Variants in MCU observed in about 807,000 individuals in gnomAD.
The protein encoded by MCU is mitochondrial calcium uniporter, also known as calcium uniporter protein, mitochondrial.
A neutral mutation model predicts 45.2 loss-of-function variants in MCU; 12 were observed. The ratio of observed to expected loss-of-function variants is 0.27; its 90% CI spans 0.17 to 0.43. The LOEUF (loss-of-function observed/expected upper bound fraction) is 0.43, where lower values mean the gene tolerates loss of function less well. MCU is among the 20% of genes least tolerant of loss of function. The pLI is 1.00. For missense variants in MCU, 324 were observed against 436.7 expected (o/e 0.74, Z 2.30); for synonymous variants, 160 against 165.1 (o/e 0.97, Z 0.24).
intron 1 of MCU, among the ~76,000 whole-genome samples, chr10:72,709,160 C>T (rs1048499150): frequency 6.6e-6 from 1 of 152,102 alleles, no homozygotes; most frequent in African/African-American, 2.4e-5. Context: ...ATATATATTT[C>T]CAAAGAAGGC....
chr10:72,881,492 C>T (rs916357688), intron 6 of MCU, among the ~76,000 whole-genome samples: 2 of 152,014 alleles, frequency 1.3e-5, no homozygotes, highest in African/African-American at 4.8e-5. Context: ...AGTTTGAGGC[C>T]AGCCAACATA....
At chr10:72,780,258 G>C (rs1380496379) in intron 1 of MCU, among the ~76,000 whole-genome samples, 1 of 152,102 alleles carries the variant, frequency 6.6e-6, no homozygotes, top group Non-Finnish European at 1.5e-5. Flanking sequence ...CCAGGGCCTG[G>C]GTAGAGGATA....
chr10:72,717,712 T>G (rs1456377447), intron 1 of MCU, among the ~76,000 whole-genome samples: 1 of 152,182 alleles, frequency 6.6e-6, no homozygotes, highest in Non-Finnish European at 1.5e-5. Flanking sequence ...TCCTCATATA[T>G]CTATGTATCT....
chr10:72,733,587 G>T (rs995025993), intron 1 of MCU, among the ~76,000 whole-genome samples: 1 of 151,944 alleles, frequency 6.6e-6, no homozygotes, highest in Non-Finnish European at 1.5e-5. Context: ...TAAGGTTGTT[G>T]TGAATATAAA....
intron 1 of MCU, among the ~76,000 whole-genome samples, chr10:72,751,010 A>T (rs1406935517): frequency 6.6e-6 from 1 of 151,632 alleles, no homozygotes; most frequent in Non-Finnish European, 1.5e-5. Context: ...TTTTTATTTT[A>T]TTTTTTTGGA....
At chr10:72,805,107 CTTTCTT>C (rs1564562258) in intron 1 of MCU, among the ~76,000 whole-genome samples, 35 of 109,838 alleles carry the variant, frequency 3.2e-4, no homozygotes, top group African/African-American at 1.4e-3. Flanking sequence ...CTTTCTCTTT[CTTTCTT>C]TCTTTCTTTC....
At chr10:72,707,728 C>T (rs1014728277) in intron 1 of MCU, among the ~76,000 whole-genome samples, 2 of 151,078 alleles carry the variant, frequency 1.3e-5, no homozygotes, top group Admixed American at 1.3e-4. Flanking sequence ...CTCTTTGTTC[C>T]GTTAACTTGC....
rs1844473935 is a variant in MCU, at chr10:72,807,723, C to T, written c.151-26636C>T. 2.6e-5 allele frequency among the ~76,000 whole-genome samples: 4 copies of T among 152,322 alleles called. No individual in the cohort carries two copies. In the South Asian group the frequency reaches 8.3e-4, roughly 32 times the overall value. ...GCTGGATTTTTTACTTCAGTGTTGACTGGCTGTTCTAAGGGATGGCCAACA... is the reference window on the plus strand; with the variant it reads ...GCTGGATTTTTTACTTCAGTGTTGATTGGCTGTTCTAAGGGATGGCCAACA... On this transcript the variant is annotated intron_variant, in intron 1 of 7. Coordinates refer to ENST00000373053, the MANE Select transcript of MCU (RefSeq NM_138357.3).
Position 72,830,310 on chromosome 10 carries a change from G to C in MCU, c.151-4049G>C, listed in dbSNP as rs1564568985. On this transcript the variant is annotated intron_variant, in intron 1 of 7. Coordinates refer to ENST00000373053, the MANE Select transcript of MCU (RefSeq NM_138357.3). ...ACAAATATTACTCATAACCAGCCAT[G>C]TATTAATGTGGTTCACTGCCCCACA... is the stretch of plus-strand genomic sequence containing the variant. Among the ~76,000 whole-genome samples the C allele has an allele frequency of 2.6e-5, 4 of 152,196 alleles. No individual in the cohort carries two copies. The South Asian group carries it at 8.3e-4, about 32-fold the overall frequency.
intron 7 of MCU, 55 bp from the exon 8 acceptor site, chr10:72,885,690 T>C: frequency 9.2e-7 from 1 of 1,089,546 alleles, no homozygotes; most frequent in Non-Finnish European, 1.4e-6. Context: ...TGGTAGACAG[T>C]AATATCATTG....
intron 1 of MCU, among the ~76,000 whole-genome samples, chr10:72,765,786 CAAAAAA>C (rs36071651): frequency 1.6e-5 from 1 of 63,222 alleles, no homozygotes; most frequent in African/African-American, 4.8e-5. Flanking sequence ...GACGCTGTCT[CAAAAAA>C]AAAAAAAAAA....
At chr10:72,875,424 G>A (rs1468737986) in intron 6 of MCU, among the ~76,000 whole-genome samples, 1 of 152,152 alleles carries the variant, frequency 6.6e-6, no homozygotes, top group East Asian at 1.9e-4. Context: ...GCTCCATTCT[G>A]TGATTACCAA....
intron 1 of MCU, among the ~76,000 whole-genome samples, chr10:72,720,651 C>T (rs1564537976): frequency 6.6e-6 from 1 of 152,142 alleles, no homozygotes; most frequent in Non-Finnish European, 1.5e-5. Context: ...TTTTATACTT[C>T]CATTGTGTTG....
intron 2 of MCU, among the ~76,000 whole-genome samples, chr10:72,838,960 C>G (rs1355179163): frequency 2.6e-5 from 4 of 151,810 alleles, no homozygotes; most frequent in African/African-American, 9.7e-5. Context: ...TAAAATTTAC[C>G]CATCATTGTA....
At chr10:72,724,463 A>G (rs61864406) in intron 1 of MCU, among the ~76,000 whole-genome samples, 9,390 of 152,256 alleles carry the variant, frequency 0.062, 422 homozygotes, top group Non-Finnish European at 0.094. Flanking sequence ...TTTGTATATT[A>G]GGGAAACTAA....
intron 1 of MCU, among the ~76,000 whole-genome samples, chr10:72,716,106 A>G (rs1842953013): frequency 6.6e-6 from 1 of 152,192 alleles, no homozygotes. Context: ...AGACATATCC[A>G]TTTGTTTACA....
At chr10:72,737,898 TTC>T (rs1190517706) in intron 1 of MCU, among the ~76,000 whole-genome samples, 1 of 152,156 alleles carries the variant, frequency 6.6e-6, no homozygotes, top group Non-Finnish European at 1.5e-5. Context: ...AACAAGCTGT[TTC>T]TTATATTCCT....
chr10:72,771,929 T>G (rs1459686518), intron 1 of MCU, among the ~76,000 whole-genome samples: 1 of 152,112 alleles, frequency 6.6e-6, no homozygotes, highest in Non-Finnish European at 1.5e-5. Flanking sequence ...ACCACCCCAT[T>G]CTACCCAGGA....
intron 1 of MCU, among the ~76,000 whole-genome samples, chr10:72,709,950 G>A (rs2132659150): frequency 6.6e-6 from 1 of 152,262 alleles, no homozygotes; most frequent in African/African-American, 2.4e-5. Flanking sequence ...ACAAAGTTGG[G>A]TGAACTTTAA....
Sources: allele counts gnomAD v4.1 joint callset (sites outside exome capture counted in the v4.1 genomes callset), GRCh38; gene constraint gnomAD v4.1.1; transcripts MANE v1.5; gene names NCBI Gene and HGNC (gene_info 2026-07-23, HGNC 2026-07-21).